SEMA3A: variants seen among roughly 807,000 people sequenced by gnomAD.
The protein encoded by SEMA3A is semaphorin-3A.
A neutral mutation model predicts 97.9 loss-of-function variants in SEMA3A; 29 were observed. The observed-to-expected ratio is 0.30, with a 90% CI of 0.22 to 0.40. The LOEUF is 0.40. Among genes scored for constraint, SEMA3A ranks in the 10% least tolerant of loss-of-function variants. The probability of loss-of-function intolerance (pLI) is 1.00; values close to 1 mark genes in which losing one functional copy is unlikely to be tolerated. For synonymous variants in SEMA3A, 321 were observed against 323.7 expected (o/e 0.99, Z 0.09); for missense variants, 763 against 951.3 (o/e 0.80, Z 2.60).
intron 3 of SEMA3A, among the ~76,000 whole-genome samples, chr7:84,247,495 AT>A (rs1391269060): frequency 6.6e-6 from 1 of 152,202 alleles, no homozygotes; most frequent in African/African-American, 2.4e-5. Context: ...ATTGGGAAAA[AT>A]GATATTAAAA....
intron 2 of SEMA3A, among the ~76,000 whole-genome samples, chr7:84,327,351 G>T (rs1177371024): frequency 6.6e-6 from 1 of 151,548 alleles, no homozygotes; most frequent in East Asian, 1.9e-4. Flanking sequence ...AAATAAAGTA[G>T]TCATGATGGG....
intron 4 of SEMA3A, among the ~76,000 whole-genome samples, chr7:84,069,275 C>G (rs1793655735): frequency 6.6e-6 from 1 of 152,080 alleles, no homozygotes; most frequent in Non-Finnish European, 1.5e-5. Context: ...AGGCAAGTTC[C>G]TACACCCTTC....
chr7:84,118,483 C>T (rs920786576), intron 3 of SEMA3A, among the ~76,000 whole-genome samples: 10 of 152,172 alleles, frequency 6.6e-5, no homozygotes, highest in Admixed American at 2.0e-4. Flanking sequence ...GCAACCATTA[C>T]ACTCCCCAGG....
At chr7:84,315,705 G>T (rs1228943972) in intron 2 of SEMA3A, among the ~76,000 whole-genome samples, 3 of 151,924 alleles carry the variant, frequency 2.0e-5, no homozygotes, top group Middle Eastern at 3.4e-3. Context: ...CTGAGGAGGG[G>T]CAGCAAAAAA....
At chr7:84,377,462 T>G (rs946800373) in intron 1 of SEMA3A, among the ~76,000 whole-genome samples, 1 of 152,168 alleles carries the variant, frequency 6.6e-6, no homozygotes, top group Non-Finnish European at 1.5e-5. Flanking sequence ...TTGGTCTATG[T>G]GTCTGTTTTT....
At chr7:84,235,772 T>C (rs1799222039) in intron 3 of SEMA3A, among the ~76,000 whole-genome samples, 1 of 152,058 alleles carries the variant, frequency 6.6e-6, no homozygotes, top group Non-Finnish European at 1.5e-5. Flanking sequence ...CAAAGAGAAC[T>C]CTAACATGGT....
intron 1 of SEMA3A, among the ~76,000 whole-genome samples, chr7:84,478,854 A>G (rs1211001012): frequency 6.6e-6 from 1 of 152,048 alleles, no homozygotes; most frequent in African/African-American, 2.4e-5. Flanking sequence ...CAATAGCTAT[A>G]GAAAATATTA....
At chr7:84,243,916 A>C (rs987543240) in intron 3 of SEMA3A, among the ~76,000 whole-genome samples, 2 of 152,040 alleles carry the variant, frequency 1.3e-5, no homozygotes, top group Non-Finnish European at 2.9e-5. Context: ...GTTTTGAGTG[A>C]GTTTCTTAAT....
At position 83,961,231 on chromosome 7, in the gene SEMA3A, T is replaced by G. The variant is rs1278068486; in HGVS notation, c.*140A>C. ...GTTACTCATGGATTTAATTTATAAT[T>G]GGTGGAACTCAGCTGAATTTCCCAC... On this transcript the variant is annotated 3_prime_UTR_variant, in exon 17 of 17. Transcript: ENST00000265362. The G allele has an allele frequency of 1.4e-6, 1 of 701,628 alleles. No homozygotes were observed. Among genetic ancestry groups the G allele is most frequent in the Non-Finnish European group, 2.5e-6 (1 of 406,448 alleles). The allele number at this position is 701,628 out of a possible 1,614,324, so 43.5% of individuals were successfully genotyped here.
chr7:84,321,905 A>C (rs1338179767), intron 2 of SEMA3A, among the ~76,000 whole-genome samples: 1 of 148,372 alleles, frequency 6.7e-6, no homozygotes, highest in Non-Finnish European at 1.5e-5. Flanking sequence ...AAAAAGAAGA[A>C]GAAGAAGGAG....
intron 5 of SEMA3A, among the ~76,000 whole-genome samples, chr7:84,047,993 G>A (rs150774687): frequency 5.8e-4 from 88 of 151,954 alleles, no homozygotes; most frequent in African/African-American, 2.0e-3. Context: ...AAATCACTGA[G>A]CAACATAAAC....
At chr7:84,426,138 C>T (rs1446457636) in intron 1 of SEMA3A, among the ~76,000 whole-genome samples, 1 of 151,890 alleles carries the variant, frequency 6.6e-6, no homozygotes, top group Non-Finnish European at 1.5e-5. Flanking sequence ...GCACACTGCT[C>T]ATGTGATGGG....
At chr7:84,187,358 T>A (rs189557268) in intron 1 of SEMA3A, among the ~76,000 whole-genome samples, 1 of 152,320 alleles carries the variant, frequency 6.6e-6, no homozygotes, top group East Asian at 1.9e-4. Flanking sequence ...TCTGGCTGTA[T>A]ATACTGTGAC....
intron 5 of SEMA3A, among the ~76,000 whole-genome samples, chr7:84,055,285 G>A (rs1316776849): frequency 2.0e-5 from 3 of 152,164 alleles, no homozygotes; most frequent in Non-Finnish European, 4.4e-5. Context: ...GGGCAATGGC[G>A]GGCGCCCCTC....
intron 3 of SEMA3A, among the ~76,000 whole-genome samples, chr7:84,201,096 T>C (rs1798344386): frequency 6.6e-6 from 1 of 152,052 alleles, no homozygotes; most frequent in Non-Finnish European, 1.5e-5. Context: ...CTAAGCAATA[T>C]GGTTTAAAGG....
At chr7:84,299,288 C>G (rs2372168) in intron 3 of SEMA3A, among the ~76,000 whole-genome samples, 9 of 127,396 alleles carry the variant, frequency 7.1e-5, no homozygotes, top group Admixed American at 2.4e-4. Context: ...ATATATATAT[C>G]TATCTCCATA....
At chr7:84,398,901 G>T (rs1803816639) in intron 1 of SEMA3A, among the ~76,000 whole-genome samples, 2 of 152,104 alleles carry the variant, frequency 1.3e-5, no homozygotes, top group Admixed American at 1.3e-4. Context: ...TCCAGCAATT[G>T]TACCCCCCTT....
intron 4 of SEMA3A, among the ~76,000 whole-genome samples, chr7:84,096,120 G>C (rs982062451): frequency 2.2e-4 from 34 of 151,994 alleles, no homozygotes; most frequent in African/African-American, 6.0e-4. Context: ...GAAAATTGTG[G>C]CTTTCATTCC....
intron 3 of SEMA3A, among the ~76,000 whole-genome samples, chr7:84,229,579 A>G (rs1211122221): frequency 6.6e-6 from 1 of 152,122 alleles, no homozygotes; most frequent in Non-Finnish European, 1.5e-5. Flanking sequence ...TATGGCCTCT[A>G]TAGTTTTTCA....
Sources: gnomAD v4.1 joint callset for allele counts (sites outside exome capture counted in the v4.1 genomes callset) on GRCh38, gnomAD v4.1.1 for gene constraint, MANE v1.5 for transcripts, NCBI Gene and HGNC (gene_info 2026-07-23, HGNC 2026-07-21) for gene names.